NPAS3: variants seen among roughly 807,000 people sequenced by gnomAD.
NPAS3 encodes the protein neuronal PAS domain-containing protein 3.
In NPAS3, 14 loss-of-function variants were observed where a neutral mutation model predicts 73.1. That is an observed-to-expected ratio of 0.19 (90% CI 0.13 to 0.30). The LOEUF (loss-of-function observed/expected upper bound fraction) is 0.30. Ranked by LOEUF, NPAS3 falls within the 10% of genes least tolerant of loss-of-function variation. The probability of loss-of-function intolerance (pLI) is 1.00; values close to 1 mark genes in which losing one functional copy is unlikely to be tolerated. For synonymous variants in NPAS3, 620 were observed against 541.5 expected (o/e 1.14, Z -2.01); for missense variants, 1,096 against 1,250.0 (o/e 0.88, Z 1.86).
At chr14:33,662,908 T>A (rs1251576831) in intron 5 of NPAS3, among the ~76,000 whole-genome samples, 2 of 136,058 alleles carry the variant, frequency 1.5e-5, no homozygotes, top group Non-Finnish European at 1.5e-5. Flanking sequence ...TTGCCCAGAC[T>A]GGAGTGCGGT....
At chr14:33,528,081 G>C (rs1318852249) in intron 4 of NPAS3, among the ~76,000 whole-genome samples, 1 of 151,944 alleles carries the variant, frequency 6.6e-6, no homozygotes, top group Non-Finnish European at 1.5e-5. Context: ...CCCTTCAAGA[G>C]AAAAAATTCA....
At chr14:33,085,297 G>A (rs566369236) in intron 2 of NPAS3, among the ~76,000 whole-genome samples, 1 of 152,190 alleles carries the variant, frequency 6.6e-6, no homozygotes, top group Non-Finnish European at 1.5e-5. Context: ...CACTTCACCT[G>A]TTTGGTTTAA....
intron 7 of NPAS3, among the ~76,000 whole-genome samples, chr14:33,764,867 G>A (rs182744826): frequency 2.7e-4 from 41 of 152,268 alleles, no homozygotes; most frequent in Non-Finnish European, 3.4e-4. Context: ...TTCTTGCTTT[G>A]CCCCTTAACA....
chr14:33,161,251 A>G (rs544041927), intron 2 of NPAS3, among the ~76,000 whole-genome samples: 177 of 152,330 alleles, frequency 1.2e-3, no homozygotes, highest in Non-Finnish European at 2.2e-3. Flanking sequence ...GGAGATAAGG[A>G]GCATATTTAT....
intron 5 of NPAS3, among the ~76,000 whole-genome samples, chr14:33,601,016 G>C (rs928252151): frequency 6.6e-6 from 1 of 152,154 alleles, no homozygotes; most frequent in African/African-American, 2.4e-5. Flanking sequence ...TGGGAGAACA[G>C]AAACATACGT....
chr14:33,748,699 T>G (rs868768870), intron 7 of NPAS3, among the ~76,000 whole-genome samples: 1 of 152,220 alleles, frequency 6.6e-6, no homozygotes, highest in African/African-American at 2.4e-5. Flanking sequence ...CTCTATTTCC[T>G]TGATGAAAAC....
intron 6 of NPAS3, among the ~76,000 whole-genome samples, chr14:33,724,889 G>C (rs2061221066): frequency 6.6e-6 from 1 of 152,058 alleles, no homozygotes; most frequent in South Asian, 2.1e-4. Flanking sequence ...TAAAAGCTCA[G>C]CCCCAGTCAT....
intron 4 of NPAS3, among the ~76,000 whole-genome samples, chr14:33,373,460 T>A (rs2046184485): frequency 6.6e-6 from 1 of 151,846 alleles, no homozygotes; most frequent in African/African-American, 2.4e-5. Flanking sequence ...CTAAGAACTA[T>A]CATGTACTTA....
At chr14:33,802,717 C>T (rs1291097735), downstream of NPAS3, 1 of 152,360 alleles carries the variant, frequency 6.6e-6, no homozygotes, top group African/African-American at 2.4e-5. Flanking sequence ...TCCTGCAGTC[C>T]TAGTGAATCA....
chr14:33,322,603 C>T (rs1321992927), intron 3 of NPAS3, among the ~76,000 whole-genome samples: 2 of 151,562 alleles, frequency 1.3e-5, no homozygotes, highest in African/African-American at 2.4e-5. Context: ...TCATCCTTGC[C>T]GTTTTGCTAA....
chr14:33,502,430 C>T (rs1490200987), intron 4 of NPAS3, among the ~76,000 whole-genome samples: 2 of 151,884 alleles, frequency 1.3e-5, no homozygotes, highest in Non-Finnish European at 2.9e-5. Flanking sequence ...TGCTGCTCTT[C>T]GTTGGGGAGA....
intron 7 of NPAS3, among the ~76,000 whole-genome samples, chr14:33,770,766 G>A (rs531109122): frequency 1.3e-5 from 2 of 152,216 alleles, no homozygotes; most frequent in Non-Finnish European, 2.9e-5. Context: ...TGTGCATGGT[G>A]GTGCATGCCT....
intron 5 of NPAS3, among the ~76,000 whole-genome samples, chr14:33,598,667 T>G (rs2057315182): frequency 6.6e-6 from 1 of 152,234 alleles, no homozygotes; most frequent in Non-Finnish European, 1.5e-5. Flanking sequence ...AACTTCAAAT[T>G]GAAAGCTACA....
At chr14:33,391,072 T>C (rs2046981147) in intron 4 of NPAS3, among the ~76,000 whole-genome samples, 1 of 151,192 alleles carries the variant, frequency 6.6e-6, no homozygotes, top group Non-Finnish European at 1.5e-5. Flanking sequence ...AAGGTAACAA[T>C]AAGGGGAATG....
chr14:33,354,304 G>A (rs2045228712), intron 3 of NPAS3, among the ~76,000 whole-genome samples: 1 of 152,016 alleles, frequency 6.6e-6, no homozygotes, highest in Non-Finnish European at 1.5e-5. Context: ...ACCGACTGCA[G>A]TGCCCCTGCC....
chr14:33,646,528 G>A (rs747590423), intron 5 of NPAS3, among the ~76,000 whole-genome samples: 9 of 152,078 alleles, frequency 5.9e-5, no homozygotes, highest in Admixed American at 1.3e-4. Flanking sequence ...TATGAGTAAC[G>A]ATGAAATTAT....
intron 9 of NPAS3, among the ~76,000 whole-genome samples, chr14:33,781,375 T>G (rs2062974446): frequency 1.3e-5 from 2 of 152,238 alleles, no homozygotes; most frequent in Non-Finnish European, 1.5e-5. Flanking sequence ...ATGGAATGTC[T>G]GATGTTTACC....
chr14:33,466,512 G>A (rs937255576), intron 4 of NPAS3, among the ~76,000 whole-genome samples: 1 of 152,282 alleles, frequency 6.6e-6, no homozygotes, highest in Non-Finnish European at 1.5e-5. Context: ...AGACTGAAGA[G>A]TTTGTTTACT....
chr14:33,588,764 C>T (rs914597129), intron 5 of NPAS3, among the ~76,000 whole-genome samples: 2 of 152,148 alleles, frequency 1.3e-5, no homozygotes, highest in Non-Finnish European at 2.9e-5. Context: ...CAGATGCCTA[C>T]CACCATGCAC....
Sources: gnomAD v4.1 joint callset for allele counts (sites outside exome capture counted in the v4.1 genomes callset) on GRCh38, gnomAD v4.1.1 for gene constraint, MANE v1.5 for transcripts, NCBI Gene and HGNC (gene_info 2026-07-23, HGNC 2026-07-21) for gene names.